The following RBFOX3 variants were observed in gnomAD, a reference collection of about 807,000 sequenced individuals.
The protein encoded by RBFOX3 is RNA binding fox-1 homolog 3, also known as RNA binding protein fox-1 homolog 3.
In RBFOX3, 17 loss-of-function variants were observed where a neutral mutation model predicts 48.7. That is an observed-to-expected ratio of 0.35 (90% CI 0.24 to 0.52). RBFOX3 has a LOEUF of 0.52. Among genes scored for constraint, RBFOX3 ranks in the 20% least tolerant of loss-of-function variants. The pLI is 0.94. For missense variants in RBFOX3, 382 were observed against 497.5 expected, an observed-to-expected ratio of 0.77 and a Z score of 2.21; for synonymous variants, 212 against 209.5, an observed-to-expected ratio of 1.01 and a Z score of -0.10.
Position 79,198,011 on chromosome 17 carries a change from C to T in RBFOX3, c.-34+37755G>A, listed in dbSNP as rs2056007872. ...CGGCGCGTGCTTCTGATTTCCTAAGCATGCCGAGTGAATCCATCCCGAGTG... is the reference window on the plus strand; with the variant it reads ...CGGCGCGTGCTTCTGATTTCCTAAGTATGCCGAGTGAATCCATCCCGAGTG... On this transcript the variant is annotated intron_variant, in intron 4 of 14. Coordinates refer to ENST00000693108, the MANE Select transcript of RBFOX3 (RefSeq NM_001350451.2). This position sits in a 1 kb window ranked among gnomAD's most constrained non-coding sequence, Gnocchi z 8.2. 6.6e-6 allele frequency among the ~76,000 whole-genome samples: 1 copy of T among 152,288 alleles called. No homozygotes were observed.
At chr17:79,606,818 C>T (rs2093841762) in intron 1 of RBFOX3, among the ~76,000 whole-genome samples, 2 of 152,160 alleles carry the variant, frequency 1.3e-5, no homozygotes, top group African/African-American at 4.8e-5. Context: ...CGTCCTCAAC[C>T]CTCACAGGTC....
chr17:79,141,696 C>T (rs1219724793), intron 4 of RBFOX3, among the ~76,000 whole-genome samples: 1 of 152,130 alleles, frequency 6.6e-6, no homozygotes, highest in Non-Finnish European at 1.5e-5. Context: ...CTTCACCTCC[C>T]TGGGGGTCCT....
chr17:79,161,595 T>TG (rs1328071513), intron 4 of RBFOX3, among the ~76,000 whole-genome samples: 17 of 152,148 alleles, frequency 1.1e-4, no homozygotes, highest in Admixed American at 4.6e-4. Context: ...CCGTTTTTTT[T>TG]TTGTGTGTGT....
intron 3 of RBFOX3, among the ~76,000 whole-genome samples, chr17:79,255,935 C>T (rs1235858256): frequency 6.6e-6 from 1 of 151,422 alleles, no homozygotes; most frequent in African/African-American, 2.4e-5. Context: ...GCCTGCCGAG[C>T]ACAGAGGGGC....
intron 2 of RBFOX3, among the ~76,000 whole-genome samples, chr17:79,342,847 G>A (rs553503526): frequency 2.0e-5 from 3 of 152,272 alleles, no homozygotes; most frequent in South Asian, 2.1e-4. Context: ...ACTTTACAAC[G>A]GGGCTTGTCA....
intron 1 of RBFOX3, among the ~76,000 whole-genome samples, chr17:79,605,770 T>C (rs1467673094): frequency 6.6e-6 from 1 of 152,250 alleles, no homozygotes; most frequent in Non-Finnish European, 1.5e-5. Context: ...GCTTGGCTCT[T>C]GGTCCTAAGA....
At chr17:79,159,282 G>A (rs538683177) in intron 4 of RBFOX3, among the ~76,000 whole-genome samples, 72 of 152,322 alleles carry the variant, frequency 4.7e-4, no homozygotes, top group African/African-American at 1.5e-3. Context: ...GTTGGGATGA[G>A]AGTCCTGGGG....
chr17:79,565,159 T>C (rs1305221300), intron 1 of RBFOX3, among the ~76,000 whole-genome samples: 1 of 151,952 alleles, frequency 6.6e-6, no homozygotes, highest in Non-Finnish European at 1.5e-5. Context: ...AAAAGACTGC[T>C]AGGAAATATA....
chr17:79,235,550 C>G (rs984877802), intron 4 of RBFOX3: 2 of 153,440 alleles, frequency 1.3e-5, no homozygotes, highest in African/African-American at 2.4e-5. Context: ...CCTTTCCCAG[C>G]ACATTTTGGG....
intron 2 of RBFOX3, among the ~76,000 whole-genome samples, chr17:79,365,518 C>A (rs532861972): frequency 6.6e-6 from 1 of 152,226 alleles, no homozygotes; most frequent in Non-Finnish European, 1.5e-5. Context: ...GCGGCCCTGG[C>A]GCTCCCACGC....
chr17:79,161,563 T>C (rs1346259017), intron 4 of RBFOX3, among the ~76,000 whole-genome samples: 1 of 152,198 alleles, frequency 6.6e-6, no homozygotes, highest in Non-Finnish European at 1.5e-5. Flanking sequence ...GAAGTGCCCT[T>C]GCTCTTCCGG....
chr17:79,429,868 T>C (rs2068091083), intron 2 of RBFOX3, among the ~76,000 whole-genome samples: 1 of 152,148 alleles, frequency 6.6e-6, no homozygotes, highest in South Asian at 2.1e-4. Flanking sequence ...CTTTGTTCTA[T>C]AAATTCGTGG....
At chr17:79,641,887 C>T in the RBFOX3 span, among the ~76,000 whole-genome samples, 1 of 152,192 alleles carries the variant, frequency 6.6e-6, no homozygotes, top group Non-Finnish European at 1.5e-5. Context: ...CTTCCTCTTG[C>T]TCTGGCCATG....
intron 1 of RBFOX3, among the ~76,000 whole-genome samples, chr17:79,610,168 T>A (rs2093939215): frequency 6.6e-6 from 1 of 151,504 alleles, no homozygotes; most frequent in Non-Finnish European, 1.5e-5. Flanking sequence ...CGGGCCCCGC[T>A]CCTATTTGGG....
intron 1 of RBFOX3, among the ~76,000 whole-genome samples, chr17:79,509,272 G>T (rs1363466256): frequency 6.6e-6 from 1 of 152,138 alleles, no homozygotes; most frequent in Non-Finnish European, 1.5e-5. Context: ...GTGTTTCAGC[G>T]TGGGTGGCTG....
At chr17:79,422,683 C>T (rs897665694) in intron 2 of RBFOX3, among the ~76,000 whole-genome samples, 1 of 74,452 alleles carries the variant, frequency 1.3e-5, no homozygotes, top group Non-Finnish European at 2.9e-5. Context: ...TGGCGGGAAC[C>T]CGGGGTGCAC....
At chr17:79,100,450 C>T (rs1251058382) in intron 9 of RBFOX3, 1 of 152,236 alleles carries the variant, frequency 6.6e-6, no homozygotes, top group Non-Finnish European at 1.5e-5. Flanking sequence ...AGAATCAAGT[C>T]TAACTTGGGC....
chr17:79,124,918 C>A (rs2036767394), intron 4 of RBFOX3, among the ~76,000 whole-genome samples: 1 of 151,362 alleles, frequency 6.6e-6, no homozygotes, highest in African/African-American at 2.4e-5. Context: ...CTGACCTTGT[C>A]TCGGGGGGAG....
intron 4 of RBFOX3, among the ~76,000 whole-genome samples, chr17:79,210,924 G>A (rs1447060244): frequency 6.6e-6 from 1 of 151,704 alleles, no homozygotes; most frequent in Non-Finnish European, 1.5e-5. Context: ...GGCCACCTCG[G>A]TATCCCCAGT....
Sources: allele counts gnomAD v4.1 joint callset (sites outside exome capture counted in the v4.1 genomes callset), GRCh38; gene constraint gnomAD v4.1.1; non-coding constraint Gnocchi (gnomAD v3.1); transcripts MANE v1.5; gene names NCBI Gene and HGNC (gene_info 2026-07-23, HGNC 2026-07-21).